Variants in PTPRQ observed in about 807,000 individuals in gnomAD.
The protein encoded by PTPRQ is protein tyrosine phosphatase receptor type Q.
A neutral mutation model predicts 246.0 loss-of-function variants in PTPRQ; 199 were observed. The ratio of observed to expected loss-of-function variants is 0.81; its 90% CI spans 0.72 to 0.91. The LOEUF is 0.91. PTPRQ is among the 40% of genes least tolerant of loss of function. The pLI is 0.00. For missense variants in PTPRQ, 2,624 were observed against 2,528.4 expected, an observed-to-expected ratio of 1.04 and a Z score of -0.81; for synonymous variants, 869 against 853.2, an observed-to-expected ratio of 1.02 and a Z score of -0.32.
rs542537124 is a variant in PTPRQ at position 80,630,447 on chromosome 12, T to C, written c.5687-1745T>C. ...GTCAGAAGTACTTTATAGGTCTTGC[T>C]CACTAGATCAAAATACCTTCCATCA... On this transcript the variant is annotated intron_variant, in intron 33 of 44. Transcript: ENST00000644991. Among the ~76,000 whole-genome samples, 6 of 152,312 alleles carry C rather than the reference T, an allele frequency of 3.9e-5. No homozygotes were observed. The East Asian group carries it at 1.2e-3, about 29-fold the overall frequency.
At chr12:80,623,336 G>T (rs143304415) in intron 33 of PTPRQ, among the ~76,000 whole-genome samples, 6 of 152,278 alleles carry the variant, frequency 3.9e-5, no homozygotes, top group African/African-American at 1.4e-4. Flanking sequence ...TGTTTGTAGA[G>T]AAATAACAAA....
rs953012174 is a variant in PTPRQ at position 80,488,216 on chromosome 12, A to G, written c.1359+3611A>G. On this transcript the variant is annotated intron_variant, in intron 9 of 44. Coordinates refer to ENST00000644991, the MANE Select transcript of PTPRQ (RefSeq NM_001145026.2). ...CATGTTATTCCTTTTGCCTTATTCT[A>G]TTGGTTAGATACAAATCATAGGTCC... is the stretch of plus-strand genomic sequence containing the variant. Among the ~76,000 whole-genome samples, 9 of 151,716 alleles carry G rather than the reference A, an allele frequency of 5.9e-5. No homozygotes were observed. The East Asian group carries it at 1.5e-3, about 26-fold the overall frequency.
chr12:80,530,625 C>T (rs1298878068), intron 17 of PTPRQ, among the ~76,000 whole-genome samples: 1 of 152,038 alleles, frequency 6.6e-6, no homozygotes, highest in African/African-American at 2.4e-5. Context: ...TAATGGATCA[C>T]AAATGACGAA....
chr12:80,659,639 C>A (rs1224517009), intron 39 of PTPRQ, among the ~76,000 whole-genome samples: 1 of 151,990 alleles, frequency 6.6e-6, no homozygotes, highest in Non-Finnish European at 1.5e-5. Flanking sequence ...TTTTCGCAAA[C>A]CCCCAGTGTC....
intron 27 of PTPRQ, among the ~76,000 whole-genome samples, chr12:80,608,069 C>T (rs1275763843): frequency 6.7e-6 from 1 of 150,366 alleles, no homozygotes; most frequent in Non-Finnish European, 1.5e-5. Flanking sequence ...CTTCATAGAG[C>T]AGGTTAAATA....
chr12:80,489,962 C>T lies in PTPRQ; in HGVS notation c.1360-3313C>T, dbSNP rs973928595. On this transcript the variant is annotated intron_variant, in intron 9 of 44. Coordinates refer to ENST00000644991, the MANE Select transcript of PTPRQ (RefSeq NM_001145026.2). ...CATCCAACATATTCCTTGAGAATAT[C>T]AACGTTTGTCACTGGTGAATGTAAG... 1.9e-4 allele frequency among the ~76,000 whole-genome samples: 18 copies of T among 92,612 alleles called. 1 individual carries two copies. The Admixed American group carries it at 2.0e-3, about 10-fold the overall frequency. The allele number at this position is 92,612 out of a possible 152,430, so 60.8% of individuals were successfully genotyped here. A position where few individuals can be genotyped will look rare whatever the true frequency, so the allele number is the denominator to read the frequency against.
At chr12:80,572,402 T>TA (rs1019108466) in intron 25 of PTPRQ, among the ~76,000 whole-genome samples, 2 of 152,030 alleles carry the variant, frequency 1.3e-5, no homozygotes, top group Non-Finnish European at 2.9e-5. Flanking sequence ...TCTGGAATGT[T>TA]AAAAAAATTT....
intron 33 of PTPRQ, among the ~76,000 whole-genome samples, chr12:80,629,158 AC>A (rs1273395323): frequency 1.5e-5 from 2 of 136,628 alleles, no homozygotes; most frequent in African/African-American, 6.6e-5. Flanking sequence ...AGTGGCACAC[AC>A]ACACACACAC....
At chr12:80,651,445 GA>G (rs1430686845) in intron 37 of PTPRQ, among the ~76,000 whole-genome samples, 2 of 151,904 alleles carry the variant, frequency 1.3e-5, no homozygotes, top group South Asian at 2.1e-4. Context: ...GAAGGTAAAG[GA>G]AAAAAGGTGT....
intron 26 of PTPRQ, among the ~76,000 whole-genome samples, chr12:80,601,823 T>C (rs1025421783): frequency 9.9e-5 from 15 of 151,922 alleles, no homozygotes; most frequent in African/African-American, 3.1e-4. Context: ...CTTATAGCTC[T>C]CATCTGTTAT....
intron 25 of PTPRQ, among the ~76,000 whole-genome samples, chr12:80,572,796 T>C (rs1484841150): frequency 1.3e-5 from 2 of 152,224 alleles, no homozygotes; most frequent in African/African-American, 4.8e-5. Flanking sequence ...CTTGCTGTGA[T>C]AAGTTACATG....
intron 35 of PTPRQ, among the ~76,000 whole-genome samples, chr12:80,635,293 T>G (rs1025721633): frequency 1.9e-4 from 29 of 152,230 alleles, no homozygotes; most frequent in African/African-American, 6.5e-4. Flanking sequence ...CTTTGGACTA[T>G]AATGTTCAAT....
At chr12:80,512,127 T>G (rs1895143378) in intron 17 of PTPRQ, among the ~76,000 whole-genome samples, 1 of 152,200 alleles carries the variant, frequency 6.6e-6, no homozygotes, top group Non-Finnish European at 1.5e-5. Context: ...CAAAGATGAC[T>G]TCTAGATTTT....
intron 39 of PTPRQ, among the ~76,000 whole-genome samples, chr12:80,666,414 G>A (rs773528149): frequency 6.6e-5 from 10 of 151,918 alleles, no homozygotes; most frequent in Non-Finnish European, 2.9e-5. Context: ...CTGGGAAGGG[G>A]AAGAGGTGAG....
At chr12:80,532,988 G>GGT (rs1233075155) in intron 17 of PTPRQ, among the ~76,000 whole-genome samples, 1 of 152,006 alleles carries the variant, frequency 6.6e-6, no homozygotes, top group Non-Finnish European at 1.5e-5. Flanking sequence ...ATATTTCAAT[G>GGT]GTAAAGAAAG....
intron 33 of PTPRQ, among the ~76,000 whole-genome samples, chr12:80,627,346 A>ATAG (rs1263525110): frequency 2.9e-4 from 12 of 41,458 alleles, no homozygotes; most frequent in African/African-American, 1.6e-3. Context: ...CTCAATTTTT[A>ATAG]TAATAATAAT....
intron 33 of PTPRQ, among the ~76,000 whole-genome samples, chr12:80,623,226 T>C (rs942907229): frequency 2.6e-5 from 4 of 152,144 alleles, no homozygotes; most frequent in Non-Finnish European, 5.9e-5. Context: ...GTTATGGAAA[T>C]ACTAATTGTA....
intron 8 of PTPRQ, among the ~76,000 whole-genome samples, chr12:80,482,814 A>T (rs1894119272): frequency 6.8e-6 from 1 of 147,154 alleles, no homozygotes; most frequent in Non-Finnish European, 1.5e-5. Flanking sequence ...TGCAAATCAA[A>T]ACCACAATGA....
At chr12:80,449,788 A>G (rs1289963368) in intron 3 of PTPRQ, among the ~76,000 whole-genome samples, 7 of 152,164 alleles carry the variant, frequency 4.6e-5, no homozygotes, top group African/African-American at 1.4e-4. Flanking sequence ...GCCTTATAGT[A>G]TAGTTTAAAG....
Sources: gnomAD v4.1 joint callset for allele counts (sites outside exome capture counted in the v4.1 genomes callset) on GRCh38, gnomAD v4.1.1 for gene constraint, MANE v1.5 for transcripts, NCBI Gene and HGNC (gene_info 2026-07-23, HGNC 2026-07-21) for gene names.